Variants in TANGO2 observed in about 807,000 individuals in gnomAD.
TANGO2 encodes transport and Golgi organization protein 2 homolog.
In TANGO2, 26 loss-of-function variants were observed where a neutral mutation model predicts 39.1. The ratio of observed to expected loss-of-function variants is 0.67; its 90% CI spans 0.49 to 0.92. The LOEUF is 0.92. Among genes scored for constraint, TANGO2 ranks in the 40% least tolerant of loss-of-function variants. The pLI is 0.00. For missense variants in TANGO2, 326 were observed against 360.1 expected (o/e 0.91, Z 0.77); for synonymous variants, 131 against 144.5 (o/e 0.91, Z 0.67).
In TANGO2 at chr22:20,063,435, G is replaced by A. The variant is rs771969240; in HGVS notation, c.703G>A (p.Gly235Ser). Residue 235 changes from glycine (G) to serine (S), a missense_variant, in exon 8 of 9, where the codon GGC (glycine) becomes AGC (serine). By Grantham distance (56) the Gly-to-Ser change is moderately conservative (BLOSUM62 0). Transcript: ENST00000327374. The stretch of plus-strand genomic sequence containing the variant: ...TGTGTGCGTGCGCTGCCCTGGCTAC[G>A]GCACCAGGTATTGCAGCACCGTGGG... Reference protein sequence around the residue: ...AAVCVRCPGYGTRTNTIILVD... With the variant: ...AAVCVRCPGYSTRTNTIILVD... 29 of 1,612,180 alleles carry A rather than the reference G, an allele frequency of 1.8e-5. No homozygotes were observed. The highest frequency in any genetic ancestry group is 3.3e-5 in the South Asian group (3 of 91,016).
intron 1 of TANGO2, among the ~76,000 whole-genome samples, chr22:20,034,005 A>T (rs2042358919): frequency 6.6e-6 from 1 of 152,208 alleles, no homozygotes. Flanking sequence ...CAGGAGTTGG[A>T]GACCAGCCTG....
chr22:20,055,191 T>G (rs992061833), intron 5 of TANGO2: 3 of 152,264 alleles, frequency 2.0e-5, no homozygotes, highest in African/African-American at 7.2e-5. Context: ...CTCTTCACTT[T>G]GCAAAAAAGG....
chr22:20,022,239 G>A (rs950583959), intron 1 of TANGO2, among the ~76,000 whole-genome samples: 4 of 152,218 alleles, frequency 2.6e-5, no homozygotes, highest in Non-Finnish European at 4.4e-5. Flanking sequence ...TCAGAGCCAG[G>A]GCCTGCTCCC....
chr22:20,035,486 G>C (rs2147045111), intron 1 of TANGO2, among the ~76,000 whole-genome samples: 1 of 152,318 alleles, frequency 6.6e-6, no homozygotes, highest in Non-Finnish European at 1.5e-5. Flanking sequence ...TGTCACCCTT[G>C]GGTGGCCTCG....
Position 20,064,755 on chromosome 22 carries a change from A to G in TANGO2, c.*93A>G. On this transcript the variant is annotated 3_prime_UTR_variant, in exon 9 of 9. Transcript: ENST00000327374. ...ACCTTCCTTTGCCATACTGCATTGC[A>G]CTGCCCGTGGCTTGGCCAGCATCCC... is the stretch of plus-strand genomic sequence containing the variant. 1 of 1,512,964 alleles carries G rather than the reference A, an allele frequency of 6.6e-7. No individual in the cohort carries two copies. Among genetic ancestry groups the G allele is most frequent in the Non-Finnish European group, 8.9e-7 (1 of 1,118,640 alleles). 93.7% of individuals were successfully genotyped at this position (1,512,964 alleles called of 1,614,324 possible).
Position 20,053,509 on chromosome 22 carries a change from G to A in TANGO2, c.338G>A (p.Gly113Asp), listed in dbSNP as rs763917891. 66 of 1,613,794 alleles carry A rather than the reference G, an allele frequency of 4.1e-5. No homozygotes were observed. In the Admixed American group the frequency reaches 1.1e-3, roughly 26 times the overall value. The change falls in exon 5 of 9, where the codon GGC becomes GAC. Residue 113 changes from glycine (G) to aspartate (D), a missense_variant. Gly to Asp is a moderately conservative substitution (Grantham distance 94). Transcript: ENST00000327374. ...LSYLKKVSME[G>D]HLYNGFNLIA... ...TACCTGAAGAAGGTCTCTATGGAGG[G>A]CCATCTGTACAATGGCTTCAACCTC...
chr22:20,047,989 A>AT (rs1295088063), intron 3 of TANGO2: 1 of 149,784 alleles, frequency 6.7e-6, no homozygotes, highest in Admixed American at 6.7e-5. Context: ...CAATGGTGCG[A>AT]TCTCGGCTCA....
intron 3 of TANGO2, among the ~76,000 whole-genome samples, chr22:20,048,567 G>T (rs1003800418): frequency 6.6e-6 from 1 of 151,978 alleles, no homozygotes; most frequent in African/African-American, 2.4e-5. Flanking sequence ...TTATTGATTT[G>T]TAAGAGTTAT....
rs1031838025 is a variant in TANGO2, at chr22:20,052,338, G to A, written c.146-127G>A. 6.3e-5 allele frequency: 86 copies of A among 1,375,856 alleles called. 1 individual carries two copies. In the Middle Eastern group the frequency reaches 6.9e-4, roughly 11 times the overall value. The allele number at this position is 1,375,856 out of a possible 1,614,324, so 85.2% of individuals were successfully genotyped here. ...ATAGCTGGGGCTGCTGGGCCAAGCC[G>A]CATGTCGAACGTCCTCGAGGAGCTT... is the stretch of plus-strand genomic sequence containing the variant. On this transcript the variant is annotated intron_variant, in intron 3 of 8. Coordinates refer to ENST00000327374, the MANE Select transcript of TANGO2 (RefSeq NM_152906.7).
intron 3 of TANGO2, among the ~76,000 whole-genome samples, chr22:20,050,041 T>C (rs1290896854): frequency 1.3e-5 from 2 of 151,910 alleles, no homozygotes; most frequent in East Asian, 3.9e-4. Flanking sequence ...ACCCTGTCTC[T>C]ACTAAAAAAA....
chr22:20,064,559 T>C lies in TANGO2; in HGVS notation c.728T>C (p.Leu243Pro), dbSNP rs768973036. ...TCTTTCAGAACCAACACTATCATCCTGGTAGATGCGGACGGCCACGTGACC... is the reference window on the plus strand; with the variant it reads ...TCTTTCAGAACCAACACTATCATCCCGGTAGATGCGGACGGCCACGTGACC... ...GYGTRTNTII[L>P]VDADGHVTFT... The change falls in exon 9 of 9, where the codon CTG becomes CCG. Residue 243 changes from leucine (L) to proline (P), a missense_variant. Coordinates refer to ENST00000327374, the MANE Select transcript of TANGO2 (RefSeq NM_152906.7). 1 of 1,614,142 alleles carries C rather than the reference T, an allele frequency of 6.2e-7. No homozygotes were observed. Among genetic ancestry groups the C allele is most frequent in the Non-Finnish European group, 8.5e-7 (1 of 1,179,990 alleles).
rs2047499388 is a variant in TANGO2 at position 20,057,001 on chromosome 22, C to T, written c.451+988C>T. On this transcript the variant is annotated intron_variant, in intron 6 of 8. Coordinates refer to ENST00000327374, the MANE Select transcript of TANGO2 (RefSeq NM_152906.7). The surrounding 1 kb of genome is among the most constrained non-coding windows in gnomAD (Gnocchi z 4.1). ...TCTGTGAGGGGGCTCCCTCACACCCCTGGCTCCTCTGAAGCTCCATGCCCA... is the reference window on the plus strand; with the variant it reads ...TCTGTGAGGGGGCTCCCTCACACCCTTGGCTCCTCTGAAGCTCCATGCCCA... 2.2e-6 allele frequency: 1 copy of T among 453,428 alleles called. No homozygotes were observed. Among genetic ancestry groups the T allele is most frequent in the Non-Finnish European group, 4.4e-6 (1 of 225,586 alleles). The allele number at this position is 453,428 out of a possible 1,614,324, so 28.1% of individuals were successfully genotyped here.
At chr22:20,036,420 T>C (rs1299368003) in intron 1 of TANGO2, among the ~76,000 whole-genome samples, 1 of 152,214 alleles carries the variant, frequency 6.6e-6, no homozygotes, top group Non-Finnish European at 1.5e-5. Flanking sequence ...TTTCTCACAG[T>C]GTGGCTCCTG....
At chr22:20,051,329 C>T (rs1423654289) in intron 3 of TANGO2, among the ~76,000 whole-genome samples, 3 of 151,406 alleles carry the variant, frequency 2.0e-5, no homozygotes, top group East Asian at 3.9e-4. Context: ...GTTGGGAATT[C>T]GAGACCAGCC....
chr22:20,047,192 C>T (rs548850242), intron 3 of TANGO2, among the ~76,000 whole-genome samples: 1 of 152,086 alleles, frequency 6.6e-6, no homozygotes, highest in East Asian at 1.9e-4. Flanking sequence ...TCCCATTAGA[C>T]CCCACCTCCA....
chr22:20,063,176 A>AAAGAG, intron 7 of TANGO2, 162 bp from the exon 8 acceptor site: 1 of 588,072 alleles, frequency 1.7e-6, no homozygotes, highest in Admixed American at 3.1e-5. Context: ...AAATAAGAGA[A>AAAGAG]AAGAGAAGAG....
chr22:20,033,856 C>G (rs2042334515), intron 1 of TANGO2, among the ~76,000 whole-genome samples: 2 of 152,238 alleles, frequency 1.3e-5, no homozygotes, highest in Admixed American at 6.5e-5. Flanking sequence ...CTCTTAAACC[C>G]ACAGCTGAGC....
At chr22:20,039,509 A>T (rs1418691773) in intron 2 of TANGO2, among the ~76,000 whole-genome samples, 1 of 151,846 alleles carries the variant, frequency 6.6e-6, no homozygotes, top group African/African-American at 2.4e-5. Context: ...CACACCTGTA[A>T]TCCCAGCTAT....
intron 3 of TANGO2, among the ~76,000 whole-genome samples, chr22:20,046,390 C>G (rs2045195699): frequency 6.6e-6 from 1 of 152,080 alleles, no homozygotes; most frequent in African/African-American, 2.4e-5. Flanking sequence ...TGAAGTGACC[C>G]TCCTTTCTTG....
Sources: gnomAD v4.1 joint callset for allele counts (sites outside exome capture counted in the v4.1 genomes callset) on GRCh38, gnomAD v4.1.1 for gene constraint, Gnocchi (gnomAD v3.1) non-coding constraint, MANE v1.5 for transcripts, NCBI Gene and HGNC (gene_info 2026-07-23, HGNC 2026-07-21) for gene names.